Variants in SYNDIG1 observed in about 807,000 individuals in gnomAD.
SYNDIG1 encodes synapse differentiation-inducing gene protein 1.
Under a neutral mutation model 19.4 loss-of-function variants are expected in SYNDIG1, and 9 were observed. The observed-to-expected ratio is 0.46, with a 90% CI of 0.28 to 0.81. The LOEUF is 0.81. SYNDIG1 is among the 30% of genes least tolerant of loss of function. The pLI, the probability that SYNDIG1 is intolerant of heterozygous loss-of-function variation, is 0.12. For synonymous variants in SYNDIG1, 141 were observed against 145.9 expected (o/e 0.97, Z 0.24); for missense variants, 311 against 343.3 (o/e 0.91, Z 0.74).
At chr20:24,657,805 C>T (rs1336680035) in intron 3 of SYNDIG1, among the ~76,000 whole-genome samples, 1 of 152,056 alleles carries the variant, frequency 6.6e-6, no homozygotes, top group Non-Finnish European at 1.5e-5. Context: ...GCACAGCAAA[C>T]ATTAGATGAT....
Position 24,632,537 on chromosome 20 carries a change from G to T in SYNDIG1, c.619-32809G>T, listed in dbSNP as rs572326485. Among the ~76,000 whole-genome samples the T allele has an allele frequency of 2.0e-4, 30 of 152,296 alleles. No homozygotes were observed. In the South Asian group the frequency reaches 6.2e-3, roughly 32 times the overall value. On this transcript the variant is annotated intron_variant, in intron 3 of 3. Transcript: ENST00000376862. ...TTACAGGCATGAGCCACCACATCTG[G>T]CCAGAGTTCACACCTAATTTAATAA...
intron 3 of SYNDIG1, among the ~76,000 whole-genome samples, chr20:24,590,220 C>T (rs1436259043): frequency 6.6e-6 from 1 of 151,524 alleles, no homozygotes; most frequent in Non-Finnish European, 1.5e-5. Context: ...AGCTTCCAGA[C>T]AGAGAGGCCT....
chr20:24,563,900 G>T (rs1397851958), intron 2 of SYNDIG1, among the ~76,000 whole-genome samples: 1 of 152,124 alleles, frequency 6.6e-6, no homozygotes, highest in East Asian at 1.9e-4. Flanking sequence ...TATTGCACCT[G>T]GCAAAATCCC....
intron 1 of SYNDIG1, among the ~76,000 whole-genome samples, chr20:24,538,997 T>G (rs957141762): frequency 2.6e-5 from 4 of 152,246 alleles, no homozygotes; most frequent in Non-Finnish European, 5.9e-5. Flanking sequence ...ATCTTGGGTA[T>G]TAATTCCTTA....
At position 24,543,132 on chromosome 20, in the gene SYNDIG1, T is replaced by C. The variant is rs2057498391; in HGVS notation, c.35T>C (p.Val12Ala). ...DGIIEQKSML[V>A]HSKISDAGKR... is the part of the protein sequence containing the mutation. The stretch of plus-strand genomic sequence containing the variant: ...ATCATTGAACAGAAGAGCATGCTGG[T>C]GCACAGTAAAATCAGTGATGCTGGC... Residue 12 changes from valine (V) to alanine (A), a missense_variant, in exon 2 of 4, where the codon GTG (valine) becomes GCG (alanine). By Grantham distance (64) the Val-to-Ala change is moderately conservative. Coordinates refer to ENST00000376862, the MANE Select transcript of SYNDIG1 (RefSeq NM_024893.3). The C allele has an allele frequency of 6.2e-7, 1 of 1,614,108 alleles. No individual in the cohort carries two copies. The highest frequency in any genetic ancestry group is 8.5e-7 in the Non-Finnish European group (1 of 1,180,004).
rs183192138 is a variant in SYNDIG1 at position 24,478,501 on chromosome 20, G to A, written c.-79+8748G>A. ...GGACCCAAATTTTCAGGGCTTGCTT[G>A]CTTTTGTATTTGTCTCTAAAGTGCA... On this transcript the variant is annotated intron_variant, in intron 1 of 3. Coordinates refer to ENST00000376862, the MANE Select transcript of SYNDIG1 (RefSeq NM_024893.3). Among the ~76,000 whole-genome samples the A allele has an allele frequency of 2.0e-4, 30 of 152,338 alleles. No homozygotes were observed. The East Asian group carries it at 2.1e-3, about 11-fold the overall frequency.
At chr20:24,605,235 A>T (rs942020184) in intron 3 of SYNDIG1, among the ~76,000 whole-genome samples, 1 of 152,194 alleles carries the variant, frequency 6.6e-6, no homozygotes, top group Non-Finnish European at 1.5e-5. Flanking sequence ...GGTGAGTGAC[A>T]TGTAAACGAA....
intron 3 of SYNDIG1, among the ~76,000 whole-genome samples, chr20:24,661,909 C>A (rs1312787678): frequency 6.6e-6 from 1 of 152,120 alleles, no homozygotes; most frequent in Non-Finnish European, 1.5e-5. Context: ...GGGGGTTCCA[C>A]CAGAGAGAAT....
intron 1 of SYNDIG1, among the ~76,000 whole-genome samples, chr20:24,492,851 A>G (rs1364326044): frequency 6.6e-6 from 1 of 152,220 alleles, no homozygotes; most frequent in Non-Finnish European, 1.5e-5. Flanking sequence ...AAATCCTCTA[A>G]GCAAAAGAAC....
At chr20:24,530,148 A>G (rs2057226310) in intron 1 of SYNDIG1, among the ~76,000 whole-genome samples, 1 of 152,038 alleles carries the variant, frequency 6.6e-6, no homozygotes, top group Non-Finnish European at 1.5e-5. Context: ...TACAAAGCTA[A>G]AGGGAGTTGG....
chr20:24,605,478 C>G (rs1430161211), intron 3 of SYNDIG1, among the ~76,000 whole-genome samples: 1 of 152,130 alleles, frequency 6.6e-6, no homozygotes, highest in Non-Finnish European at 1.5e-5. Context: ...ATTTAATATG[C>G]TGATTGTAGC....
chr20:24,510,128 G>A (rs2056705275), intron 1 of SYNDIG1, among the ~76,000 whole-genome samples: 1 of 152,170 alleles, frequency 6.6e-6, no homozygotes, highest in Non-Finnish European at 1.5e-5. Context: ...TGTACAGGCT[G>A]CAAAACCATG....
At chr20:24,640,579 G>A (rs1290083082) in intron 3 of SYNDIG1, among the ~76,000 whole-genome samples, 1 of 151,840 alleles carries the variant, frequency 6.6e-6, no homozygotes, top group Admixed American at 6.6e-5. Context: ...TTATCTAGTG[G>A]CCCCAGTGTG....
chr20:24,611,791 T>A (rs982620247), intron 3 of SYNDIG1, among the ~76,000 whole-genome samples: 3 of 152,240 alleles, frequency 2.0e-5, no homozygotes, highest in Non-Finnish European at 4.4e-5. Flanking sequence ...GCTGATCTCC[T>A]TTGAGCATTC....
intron 3 of SYNDIG1, among the ~76,000 whole-genome samples, chr20:24,605,584 T>C (rs1364757565): frequency 6.6e-6 from 1 of 152,232 alleles, no homozygotes; most frequent in South Asian, 2.1e-4. Context: ...CTTATGTATT[T>C]TTTTCCTCTG....
chr20:24,485,124 A>G (rs544205218), intron 1 of SYNDIG1, among the ~76,000 whole-genome samples: 1 of 152,342 alleles, frequency 6.6e-6, no homozygotes, highest in Admixed American at 6.5e-5. Context: ...AGCCGGGGCC[A>G]TGGCCTTGAA....
At chr20:24,533,049 C>CT (rs1247757402) in intron 1 of SYNDIG1, among the ~76,000 whole-genome samples, 1 of 152,064 alleles carries the variant, frequency 6.6e-6, no homozygotes, top group African/African-American at 2.4e-5. Flanking sequence ...GAGAATCCGT[C>CT]TTTTAGGGGC....
chr20:24,582,698 A>G (rs2058350631), intron 2 of SYNDIG1, among the ~76,000 whole-genome samples: 1 of 152,236 alleles, frequency 6.6e-6, no homozygotes, highest in East Asian at 1.9e-4. Context: ...CCCCTTAGCC[A>G]TAATGATGGC....
chr20:24,615,936 T>C (rs1317389595), intron 3 of SYNDIG1, among the ~76,000 whole-genome samples: 1 of 152,008 alleles, frequency 6.6e-6, no homozygotes, highest in East Asian at 1.9e-4. Context: ...TCATTATTTT[T>C]ATCAACCTCT....
Sources: allele counts gnomAD v4.1 joint callset (sites outside exome capture counted in the v4.1 genomes callset), GRCh38; gene constraint gnomAD v4.1.1; transcripts MANE v1.5; gene names NCBI Gene and HGNC (gene_info 2026-07-23, HGNC 2026-07-21).